The following EMCN variants were observed in gnomAD, a reference collection of about 807,000 sequenced individuals.
EMCN encodes the protein MUC-14.
In EMCN, 37 loss-of-function variants were observed where a neutral mutation model predicts 38.4. That is an observed-to-expected ratio of 0.96 (90% CI 0.74 to 1.27). The LOEUF (loss-of-function observed/expected upper bound fraction) is 1.27, where lower values mean the gene tolerates loss of function less well. Ranked by LOEUF, EMCN falls within the 50% of genes most tolerant of loss-of-function variation. The pLI, the probability that EMCN is intolerant of heterozygous loss-of-function variation, is 0.00. For synonymous variants in EMCN, 95 were observed against 100.8 expected (o/e 0.94, Z 0.35); for missense variants, 318 against 302.8 (o/e 1.05, Z -0.37).
intron 5 of EMCN, among the ~76,000 whole-genome samples, chr4:100,444,134 A>C (rs924370976): frequency 2.0e-5 from 3 of 152,280 alleles, no homozygotes; most frequent in Non-Finnish European, 4.4e-5. Flanking sequence ...GCAGCATGTC[A>C]GACTGCAGGG....
chr4:100,492,698 C>A (rs1156734775), intron 1 of EMCN, among the ~76,000 whole-genome samples: 2 of 152,094 alleles, frequency 1.3e-5, no homozygotes, highest in African/African-American at 4.8e-5. Flanking sequence ...GATCCCAATA[C>A]AACTATCAAC....
intron 11 of EMCN, among the ~76,000 whole-genome samples, chr4:100,404,060 A>AGAAGTTTCTTAG (rs1726328604): frequency 6.6e-6 from 1 of 152,054 alleles, no homozygotes; most frequent in Non-Finnish European, 1.5e-5. Context: ...GCTGTGCAGA[A>AGAAGTTTCTTAG]GCTCTTTAGT....
intron 1 of EMCN, among the ~76,000 whole-genome samples, chr4:100,515,691 G>C (rs1729737296): frequency 6.6e-6 from 1 of 152,042 alleles, no homozygotes; most frequent in African/African-American, 2.4e-5. Context: ...AATCAACTTT[G>C]CTGATGAAAT....
intron 4 of EMCN, 87 bp from the exon 5 acceptor site, chr4:100,447,658 A>G (rs1727715653): frequency 2.5e-6 from 2 of 785,678 alleles, no homozygotes; most frequent in African/African-American, 1.7e-5. Flanking sequence ...GTGGTAAATG[A>G]GTATGAATTT....
intron 3 of EMCN, among the ~76,000 whole-genome samples, chr4:100,471,831 C>T (rs1728488727): frequency 6.6e-6 from 1 of 151,930 alleles, no homozygotes; most frequent in Non-Finnish European, 1.5e-5. Flanking sequence ...TTTTTAAAAA[C>T]ATGATAATCT....
At chr4:100,399,381 G>A (rs115567089) in intron 11 of EMCN, among the ~76,000 whole-genome samples, 3,943 of 152,106 alleles carry the variant, frequency 0.026, 70 homozygotes, top group Non-Finnish European at 0.041. Flanking sequence ...TACAAGTGGC[G>A]GAGACCTGTA....
At position 100,398,240 on chromosome 4, in the gene EMCN, A is replaced by G. The variant is rs1342232581; in HGVS notation, c.*173T>C. On this transcript the variant is annotated 3_prime_UTR_variant, in exon 12 of 12. Coordinates refer to ENST00000296420, the MANE Select transcript of EMCN (RefSeq NM_016242.4). ...GGGTTCTTTTTGATTCCATCAAATT[A>G]TTGCATGTCAGCTGGACATCACTTT... is the stretch of plus-strand genomic sequence containing the variant. The G allele has an allele frequency of 6.6e-6, 1 of 152,094 alleles. No individual in the cohort carries two copies. Among genetic ancestry groups the G allele is most frequent in the African/African-American group, 2.4e-5 (1 of 41,440 alleles). The allele number at this position is 152,094 out of a possible 1,614,324, so 9.4% of individuals were successfully genotyped here.
chr4:100,399,778 T>A (rs1240692595), intron 11 of EMCN, among the ~76,000 whole-genome samples: 7 of 152,178 alleles, frequency 4.6e-5, no homozygotes, highest in African/African-American at 1.4e-4. Flanking sequence ...TTCTTTTTTT[T>A]AAACTTTTAT....
intron 4 of EMCN, 103 bp from the exon 5 acceptor site, chr4:100,447,674 C>T: frequency 1.5e-6 from 1 of 648,388 alleles, no homozygotes; most frequent in South Asian, 2.0e-5. Context: ...AATTTTAGCT[C>T]ATTTCTGATT....
chr4:100,448,116 G>A (rs910255836), intron 4 of EMCN, among the ~76,000 whole-genome samples: 3 of 152,000 alleles, frequency 2.0e-5, no homozygotes, highest in African/African-American at 7.2e-5. Context: ...GGAAGAAGCA[G>A]CAAAGTTCAG....
Position 100,410,484 on chromosome 4 carries a change from C to A in EMCN, c.752-129G>T, listed in dbSNP as rs1020694098. The A allele has an allele frequency of 8.4e-6, 7 of 834,464 alleles. No individual in the cohort carries two copies. In the East Asian group the frequency reaches 1.5e-4, roughly 18 times the overall value. The allele number at this position is 834,464 out of a possible 1,614,324, so 51.7% of individuals were successfully genotyped here. A position where few individuals can be genotyped will look rare whatever the true frequency, so the allele number is the denominator to read the frequency against. On this transcript the variant is annotated intron_variant, in intron 10 of 11. Transcript: ENST00000296420. ...CCTGCAAGAATGTCATTAAAGCCACCATTTGCCTCTTGGTATTGTCTAGAA... is the reference window on the plus strand; with the variant it reads ...CCTGCAAGAATGTCATTAAAGCCACAATTTGCCTCTTGGTATTGTCTAGAA...
intron 1 of EMCN, among the ~76,000 whole-genome samples, chr4:100,502,961 G>T (rs1267639685): frequency 6.6e-5 from 10 of 151,854 alleles, no homozygotes; most frequent in African/African-American, 2.4e-4. Flanking sequence ...TAAACATTTT[G>T]CTGGCTTTTA....
At chr4:100,484,499 A>G (rs1728891041) in intron 1 of EMCN, among the ~76,000 whole-genome samples, 1 of 151,932 alleles carries the variant, frequency 6.6e-6, no homozygotes, top group Admixed American at 6.6e-5. Flanking sequence ...ATATCATCTC[A>G]CCTATGCCTC....
chr4:100,413,466 T>C (rs1726622847), intron 10 of EMCN, among the ~76,000 whole-genome samples: 1 of 152,120 alleles, frequency 6.6e-6, no homozygotes, highest in South Asian at 2.1e-4. Flanking sequence ...CTCTTGAGTG[T>C]AGTGAGCATA....
intron 1 of EMCN, among the ~76,000 whole-genome samples, chr4:100,514,094 C>CTT (rs1729695080): frequency 6.6e-6 from 1 of 152,026 alleles, no homozygotes; most frequent in Admixed American, 6.6e-5. Context: ...GACTAAAGAA[C>CTT]ATTCACCTCT....
rs71594586 is a variant in EMCN, at chr4:100,427,453, CT to C, written c.416-4050del. On this transcript the variant is annotated intron_variant, in intron 5 of 11. Coordinates refer to ENST00000296420, the MANE Select transcript of EMCN (RefSeq NM_016242.4). Reference sequence around the variant, plus strand: ...CACCCAGCTAATTTTCTCTCTCTCTCTTTTTTTTTTTTTTTGTAGAGATAGA... The same window carrying C: ...CACCCAGCTAATTTTCTCTCTCTCTCTTTTTTTTTTTTTTGTAGAGATAGA... Among the ~76,000 whole-genome samples the C allele has an allele frequency of 4.3e-3, 416 of 97,196 alleles. 1 individual carries two copies. Among genetic ancestry groups the C allele is most frequent in the Middle Eastern group, 0.025 (5 of 202 alleles). The allele number at this position is 97,196 out of a possible 152,430, so 63.8% of individuals were successfully genotyped here. A position where few individuals can be genotyped will look rare whatever the true frequency, so the allele number is the denominator to read the frequency against.
chr4:100,476,863 A>G (rs999095737), intron 2 of EMCN, among the ~76,000 whole-genome samples: 2 of 152,250 alleles, frequency 1.3e-5, no homozygotes, highest in African/African-American at 4.8e-5. Context: ...ATTCAAATAT[A>G]ACAGGGAACA....
intron 1 of EMCN, among the ~76,000 whole-genome samples, chr4:100,480,441 G>A (rs928492244): frequency 1.3e-5 from 2 of 151,858 alleles, no homozygotes; most frequent in African/African-American, 2.4e-5. Context: ...GTAGTAAAAT[G>A]TCAAAATTAG....
chr4:100,500,189 T>G (rs1729312545), intron 1 of EMCN, among the ~76,000 whole-genome samples: 1 of 152,198 alleles, frequency 6.6e-6, no homozygotes, highest in African/African-American at 2.4e-5. Flanking sequence ...TTAAGATTTT[T>G]GAATTAAATA....
Sources: gnomAD v4.1 joint callset for allele counts (sites outside exome capture counted in the v4.1 genomes callset) on GRCh38, gnomAD v4.1.1 for gene constraint, MANE v1.5 for transcripts, NCBI Gene and HGNC (gene_info 2026-07-23, HGNC 2026-07-21) for gene names.